The following NFIA variants were observed in gnomAD, a reference collection of about 807,000 sequenced individuals.
NFIA encodes the protein nuclear factor 1 A-type.
A neutral mutation model predicts 62.8 loss-of-function variants in NFIA; 8 were observed. That is an observed-to-expected ratio of 0.13 (90% confidence interval 0.07 to 0.23). NFIA has a LOEUF of 0.23. NFIA is among the 10% of genes least tolerant of loss of function. The pLI is 1.00. For missense variants in NFIA, 410 were observed against 642.1 expected, an observed-to-expected ratio of 0.64 and a Z score of 3.91; for synonymous variants, 235 against 238.1, an observed-to-expected ratio of 0.99 and a Z score of 0.12.
At chr1:61,447,312 G>C (rs1283143921) in intron 10 of NFIA, among the ~76,000 whole-genome samples, 3 of 152,076 alleles carry the variant, frequency 2.0e-5, no homozygotes. Context: ...TATGGAAAAG[G>C]GTTTGTCCCA....
At chr1:61,308,140 A>T (rs1659901734) in intron 3 of NFIA, among the ~76,000 whole-genome samples, 1 of 152,232 alleles carries the variant, frequency 6.6e-6, no homozygotes, top group South Asian at 2.1e-4. Flanking sequence ...ATTGGCTTTA[A>T]ATTTTTAAGC....
intron 2 of NFIA, among the ~76,000 whole-genome samples, chr1:61,256,434 T>TA (rs5774549): frequency 0.017 from 1,739 of 101,962 alleles, 24 homozygotes; most frequent in South Asian, 0.074. Flanking sequence ...AGACTCCATC[T>TA]AAAAAAAAAA....
At chr1:61,095,482 A>AT (rs1373225534) in intron 2 of NFIA, among the ~76,000 whole-genome samples, 1 of 152,144 alleles carries the variant, frequency 6.6e-6, no homozygotes, top group East Asian at 1.9e-4. Context: ...CCTTCTTTAT[A>AT]TCTTATTGTT....
intron 9 of NFIA, among the ~76,000 whole-genome samples, chr1:61,420,907 G>C (rs1277127641): frequency 6.6e-6 from 1 of 152,164 alleles, no homozygotes; most frequent in East Asian, 1.9e-4. Context: ...CAAACATTTA[G>C]ATCCCTGATC....
At chr1:61,289,054 G>C (rs1053539688) in intron 3 of NFIA, among the ~76,000 whole-genome samples, 2 of 152,202 alleles carry the variant, frequency 1.3e-5, no homozygotes, top group Non-Finnish European at 2.9e-5. Context: ...ACAGGTGTGA[G>C]CCACTGCGCC....
intron 2 of NFIA, among the ~76,000 whole-genome samples, chr1:61,205,714 G>A (rs1557636044): frequency 6.6e-6 from 1 of 152,024 alleles, no homozygotes; most frequent in Non-Finnish European, 1.5e-5. Context: ...TCAAACACTT[G>A]GTTATCCAAC....
chr1:61,416,763 A>G (rs1310797908), intron 9 of NFIA, among the ~76,000 whole-genome samples: 1 of 152,162 alleles, frequency 6.6e-6, no homozygotes, highest in Non-Finnish European at 1.5e-5. Context: ...TGGAATTATT[A>G]GCCCCTTTTA....
chr1:61,424,556 C>T (rs1437513326), intron 9 of NFIA, among the ~76,000 whole-genome samples: 1 of 152,040 alleles, frequency 6.6e-6, no homozygotes, highest in Non-Finnish European at 1.5e-5. Flanking sequence ...CCTTAATATA[C>T]CCTTCATTCC....
intron 6 of NFIA, among the ~76,000 whole-genome samples, chr1:61,378,708 G>C (rs188845789): frequency 4.5e-4 from 69 of 152,240 alleles, no homozygotes; most frequent in Middle Eastern, 3.4e-3. Context: ...TGAGAATTTT[G>C]TTCAGACTCC....
intron 7 of NFIA, 93 bp from the exon 8 acceptor site, chr1:61,404,011 C>A: frequency 7.0e-7 from 1 of 1,419,436 alleles, no homozygotes; most frequent in Non-Finnish European, 9.7e-7. Flanking sequence ...TGAATCGGGC[C>A]AGGAAGAGAA....
intron 3 of NFIA, among the ~76,000 whole-genome samples, chr1:61,318,105 C>T (rs1261257566): frequency 1.3e-5 from 2 of 152,078 alleles, no homozygotes; most frequent in Non-Finnish European, 2.9e-5. Flanking sequence ...ATTGCAAATT[C>T]ACCCCGATTC....
chr1:61,433,972 C>T (rs1005502714), intron 10 of NFIA, among the ~76,000 whole-genome samples: 4 of 152,182 alleles, frequency 2.6e-5, no homozygotes, highest in African/African-American at 9.7e-5. Context: ...ATTAGGAAGC[C>T]TCCTACTACC....
chr1:61,406,554 CCCCA>C lies in NFIA; in HGVS notation c.1255-6_1255-3del. ...TACGTGTGTTTTCTGCCCCCCCCCC[CCCCA>C]CAGCCCAATGGGAGCAGCCAAGGCA... is the stretch of plus-strand genomic sequence containing the variant. On this transcript the variant is annotated splice_polypyrimidine_tract_variant and splice_region_variant and intron_variant, in intron 8 of 10. Transcript: ENST00000403491. 1 of 1,380,706 alleles carries C rather than the reference CCCCA, an allele frequency of 7.2e-7. No homozygotes were observed. The highest frequency in any genetic ancestry group is 1.3e-5 in the South Asian group (1 of 75,232). The allele number at this position is 1,380,706 out of a possible 1,614,324, so 85.5% of individuals were successfully genotyped here. A position where few individuals can be genotyped will look rare whatever the true frequency, so the allele number is the denominator to read the frequency against.
intron 2 of NFIA, among the ~76,000 whole-genome samples, chr1:61,133,696 T>C (rs1647123410): frequency 6.6e-6 from 1 of 152,184 alleles, no homozygotes; most frequent in Admixed American, 6.5e-5. Context: ...CTCTGTTTTT[T>C]ATAAAAAACT....
At chr1:61,177,653 T>TTTGTGTGTG (rs369478678) in intron 2 of NFIA, among the ~76,000 whole-genome samples, 3 of 146,162 alleles carry the variant, frequency 2.1e-5, no homozygotes, top group East Asian at 2.0e-4. Flanking sequence ...GTTTTCTCTA[T>TTTGTGTGTG]TGTGTGTGTG....
At chr1:61,398,474 C>T (rs941278538) in intron 7 of NFIA, among the ~76,000 whole-genome samples, 1 of 152,186 alleles carries the variant, frequency 6.6e-6, no homozygotes, top group Admixed American at 6.5e-5. Flanking sequence ...ACTCTATCAA[C>T]CATCTTGGAA....
At chr1:61,297,246 G>T (rs938098801) in intron 3 of NFIA, among the ~76,000 whole-genome samples, 7 of 152,176 alleles carry the variant, frequency 4.6e-5, no homozygotes, top group African/African-American at 1.7e-4. Context: ...GTTCTACTCT[G>T]CATACCATTA....
chr1:61,272,320 G>A (rs372712427), intron 2 of NFIA, among the ~76,000 whole-genome samples: 8 of 152,036 alleles, frequency 5.3e-5, no homozygotes, highest in African/African-American at 1.9e-4. Context: ...AGTCTTTAAG[G>A]TCACGGTCAT....
intron 2 of NFIA, among the ~76,000 whole-genome samples, chr1:61,227,533 T>C (rs1339502706): frequency 6.6e-6 from 1 of 152,192 alleles, no homozygotes; most frequent in Non-Finnish European, 1.5e-5. Context: ...ATGCCTTGTT[T>C]CCCTTTTTGC....
Sources: allele counts gnomAD v4.1 joint callset (sites outside exome capture counted in the v4.1 genomes callset), GRCh38; gene constraint gnomAD v4.1.1; transcripts MANE v1.5; gene names NCBI Gene and HGNC (gene_info 2026-07-23, HGNC 2026-07-21).